RSPO3: variants seen among roughly 807,000 people sequenced by gnomAD.
RSPO3 encodes R-spondin-3.
In RSPO3, 17 loss-of-function variants were observed where a neutral mutation model predicts 36.5. The ratio of observed to expected loss-of-function variants is 0.47; its 90% CI spans 0.32 to 0.70. RSPO3 has a LOEUF of 0.70. Ranked by LOEUF, RSPO3 falls within the 30% of genes least tolerant of loss-of-function variation. The pLI, the probability that RSPO3 is intolerant of heterozygous loss-of-function variation, is 0.04. For synonymous variants in RSPO3, 108 were observed against 107.0 expected (o/e 1.01, Z -0.06); for missense variants, 294 against 322.5 (o/e 0.91, Z 0.68).
chr6:127,159,411 A>G (rs774799527), intron 4 of RSPO3, among the ~76,000 whole-genome samples: 4 of 152,174 alleles, frequency 2.6e-5, no homozygotes, highest in African/African-American at 7.2e-5. Flanking sequence ...GTGGAGGTCT[A>G]TCTTCCTGGT....
rs1775565610 is a variant in RSPO3 at position 127,198,874 on chromosome 6, T to C, written c.*2867T>C. Among the ~76,000 whole-genome samples, 1 of 152,220 alleles carries C rather than the reference T, an allele frequency of 6.6e-6. No individual in the cohort carries two copies. The highest frequency in any genetic ancestry group is 2.1e-4 in the South Asian group (1 of 4,836). On this transcript the variant is annotated 3_prime_UTR_variant, in exon 5 of 5. Transcript: ENST00000356698. ...CATTAGTGACTGCGTCCTTTGGAAG[T>C]TATCCCAACCCTGCTTTTCTCAAAA...
chr6:127,129,722 T>A (rs915502632), intron 1 of RSPO3, among the ~76,000 whole-genome samples: 5 of 152,090 alleles, frequency 3.3e-5, no homozygotes, highest in Non-Finnish European at 7.4e-5. Context: ...GCAGTTTATG[T>A]CACTATCCTC....
At chr6:127,129,322 G>A (rs1774004747) in intron 1 of RSPO3, among the ~76,000 whole-genome samples, 1 of 151,974 alleles carries the variant, frequency 6.6e-6, no homozygotes, top group Non-Finnish European at 1.5e-5. Context: ...AGTCCATGAA[G>A]GATTTTCAAA....
At chr6:127,163,262 TAC>T (rs1774746973) in intron 4 of RSPO3, among the ~76,000 whole-genome samples, 1 of 152,134 alleles carries the variant, frequency 6.6e-6, no homozygotes, top group South Asian at 2.1e-4. Context: ...ATCTCCCTAA[TAC>T]AGTCACTCCT....
chr6:127,169,848 C>G (rs1774901195), intron 4 of RSPO3, among the ~76,000 whole-genome samples: 1 of 116,886 alleles, frequency 8.6e-6, no homozygotes, highest in South Asian at 2.8e-4. Context: ...TTACTTGCTT[C>G]TTTTGTTTTT....
chr6:127,194,233 T>C (rs370444158), intron 4 of RSPO3, among the ~76,000 whole-genome samples: 2 of 152,344 alleles, frequency 1.3e-5, no homozygotes, highest in South Asian at 2.1e-4. Context: ...ATTCAATATT[T>C]GCAGCCTACT....
intron 1 of RSPO3, among the ~76,000 whole-genome samples, chr6:127,123,127 T>C (rs1038500009): frequency 6.6e-6 from 1 of 152,210 alleles, no homozygotes; most frequent in Non-Finnish European, 1.5e-5. Flanking sequence ...TGGAATGTAC[T>C]GGTCATTGCT....
At chr6:127,153,149 T>A (rs1383913349) in intron 3 of RSPO3, among the ~76,000 whole-genome samples, 1 of 152,122 alleles carries the variant, frequency 6.6e-6, no homozygotes, top group African/African-American at 2.4e-5. Flanking sequence ...TTCATTTGCT[T>A]CATTAGTGAA....
intron 1 of RSPO3, among the ~76,000 whole-genome samples, chr6:127,127,651 A>G (rs1159214469): frequency 6.6e-6 from 1 of 152,058 alleles, no homozygotes; most frequent in Non-Finnish European, 1.5e-5. Flanking sequence ...CACTCAAGGA[A>G]TTGAGGTGGA....
intron 4 of RSPO3, among the ~76,000 whole-genome samples, chr6:127,194,713 C>T (rs1344197943): frequency 6.6e-6 from 1 of 152,158 alleles, no homozygotes; most frequent in Non-Finnish European, 1.5e-5. Context: ...TACAATAATA[C>T]CTTTTCACAT....
chr6:127,172,208 A>G (rs1774951310), intron 4 of RSPO3, among the ~76,000 whole-genome samples: 1 of 141,068 alleles, frequency 7.1e-6, no homozygotes. Context: ...AGATATACAG[A>G]TATAAATATA....
At chr6:127,170,219 G>A (rs757869859) in intron 4 of RSPO3, among the ~76,000 whole-genome samples, 3 of 151,646 alleles carry the variant, frequency 2.0e-5, no homozygotes, top group Non-Finnish European at 4.4e-5. Context: ...TGAGAAAATT[G>A]GAGTAGAAAA....
intron 1 of RSPO3, among the ~76,000 whole-genome samples, chr6:127,142,278 C>T (rs1291677361): frequency 6.6e-6 from 1 of 152,132 alleles, no homozygotes; most frequent in African/African-American, 2.4e-5. Flanking sequence ...GAGACCTAGC[C>T]ATTGTCGGCT....
chr6:127,130,305 T>A (rs2114547135), intron 1 of RSPO3, among the ~76,000 whole-genome samples: 1 of 152,300 alleles, frequency 6.6e-6, no homozygotes, highest in East Asian at 1.9e-4. Flanking sequence ...AAAGACACTG[T>A]CCTTACAGTG....
At position 127,198,887 on chromosome 6, in the gene RSPO3, G is replaced by A. The variant is rs1357062810; in HGVS notation, c.*2880G>A. ...GTCCTTTGGAAGTTATCCCAACCCT[G>A]CTTTTCTCAAAAGTGAAAATGTATA... On this transcript the variant is annotated 3_prime_UTR_variant, in exon 5 of 5. Transcript: ENST00000356698. 1.3e-5 allele frequency among the ~76,000 whole-genome samples: 2 copies of A among 152,162 alleles called. No individual in the cohort carries two copies. Among genetic ancestry groups the A allele is most frequent in the African/African-American group, 4.8e-5 (2 of 41,454 alleles).
intron 4 of RSPO3, among the ~76,000 whole-genome samples, chr6:127,166,414 T>C (rs1219360619): frequency 6.6e-6 from 1 of 152,054 alleles, no homozygotes; most frequent in Non-Finnish European, 1.5e-5. Flanking sequence ...TCTTAGAATT[T>C]AGAGCACAGG....
rs1317277012 is a variant in RSPO3, at chr6:127,119,249, C to T, written c.57C>T (p.Ile19=). The T allele has an allele frequency of 6.2e-7, 1 of 1,613,320 alleles. No homozygotes were observed. The highest frequency in any genetic ancestry group is 8.5e-7 in the Non-Finnish European group (1 of 1,179,676). The part of the protein sequence containing the change: ...LFIILNFMEY[I]GSQNASRGRR... Reference sequence around the variant, plus strand: ...TCATTTTGAACTTTATGGAATACATCGGCAGCCAAAACGCCTCCCGGGGAA... The same window carrying T: ...TCATTTTGAACTTTATGGAATACATTGGCAGCCAAAACGCCTCCCGGGGAA... Residue 19 remains isoleucine, a synonymous_variant, in exon 1 of 5, where the codon ATC becomes ATT. Transcript: ENST00000356698.
intron 1 of RSPO3, among the ~76,000 whole-genome samples, chr6:127,148,129 C>T (rs1278851222): frequency 6.6e-6 from 1 of 152,006 alleles, no homozygotes; most frequent in African/African-American, 2.4e-5. Flanking sequence ...AACTTAGTGT[C>T]CTTACTCAAG....
At chr6:127,161,492 T>C (rs1367975118) in intron 4 of RSPO3, among the ~76,000 whole-genome samples, 2 of 152,170 alleles carry the variant, frequency 1.3e-5, no homozygotes, top group East Asian at 3.9e-4. Flanking sequence ...CCATACCATT[T>C]TTGTAGGCTC....
Sources: allele counts gnomAD v4.1 joint callset (sites outside exome capture counted in the v4.1 genomes callset), GRCh38; gene constraint gnomAD v4.1.1; transcripts MANE v1.5; gene names NCBI Gene and HGNC (gene_info 2026-07-23, HGNC 2026-07-21).